Variants in BCL2L13 observed in about 807,000 individuals in gnomAD.
The protein encoded by BCL2L13 is BCL2 like 13, also known as bcl-2-like protein 13.
Under a neutral mutation model 25.8 loss-of-function variants are expected in BCL2L13, and 13 were observed. The ratio of observed to expected loss-of-function variants is 0.50; its 90% CI spans 0.33 to 0.80. The LOEUF is 0.80. Ranked by LOEUF, BCL2L13 falls within the 30% of genes least tolerant of loss-of-function variation. The pLI is 0.02. For synonymous variants in BCL2L13, 244 were observed against 230.3 expected (o/e 1.06, Z -0.54); for missense variants, 504 against 574.9 (o/e 0.88, Z 1.26).
intron 2 of BCL2L13, among the ~76,000 whole-genome samples, chr22:17,682,692 G>A (rs187504602): frequency 6.6e-5 from 10 of 152,234 alleles, no homozygotes; most frequent in Admixed American, 4.6e-4. Context: ...CTGGAAAGGT[G>A]GAGACTTACT....
chr22:17,685,225 G>T (rs1163537139), intron 3 of BCL2L13, among the ~76,000 whole-genome samples: 1 of 151,694 alleles, frequency 6.6e-6, no homozygotes, highest in Non-Finnish European at 1.5e-5. Flanking sequence ...ATGTATTTTT[G>T]TTGTTGTTGC....
At chr22:17,702,040 C>T (rs975424512) in intron 5 of BCL2L13, among the ~76,000 whole-genome samples, 5 of 151,846 alleles carry the variant, frequency 3.3e-5, no homozygotes, top group Admixed American at 2.0e-4. Context: ...TTTTCAATAA[C>T]TATTTCTACC....
intron 2 of BCL2L13, among the ~76,000 whole-genome samples, chr22:17,671,863 G>A (rs913760185): frequency 7.9e-5 from 12 of 152,082 alleles, no homozygotes; most frequent in Non-Finnish European, 1.5e-4. Flanking sequence ...AAAGGAGCGC[G>A]CCATCACGCC....
At position 17,729,201 on chromosome 22, in the gene BCL2L13, A is replaced by G. The variant is rs1406543854; in HGVS notation, c.*1667A>G. On this transcript the variant is annotated 3_prime_UTR_variant, in exon 7 of 7. Transcript: ENST00000317582. The stretch of plus-strand genomic sequence containing the variant: ...ATGTTTTCAAATAAAATCTCCCTAA[A>G]GCAATATTTAAAAATTGGTCAAAAC... The G allele has an allele frequency of 6.6e-6, 1 of 152,196 alleles. No individual in the cohort carries two copies. 9.4% of individuals were successfully genotyped at this position (152,196 alleles called of 1,614,324 possible).
At chr22:17,704,142 A>G (rs937326825) in intron 6 of BCL2L13, among the ~76,000 whole-genome samples, 1 of 152,088 alleles carries the variant, frequency 6.6e-6, no homozygotes, top group East Asian at 1.9e-4. Context: ...GCTTGAGTGC[A>G]GTGCGCAATT....
intron 6 of BCL2L13, chr22:17,706,530 T>C (rs5992096): frequency 0.11 from 31,479 of 283,230 alleles, 1,976 homozygotes; most frequent in African/African-American, 0.17. Flanking sequence ...AAAATAATGA[T>C]GTGAAAGTGT....
At chr22:17,653,403 T>G (rs2058750113) in intron 1 of BCL2L13, among the ~76,000 whole-genome samples, 1 of 152,128 alleles carries the variant, frequency 6.6e-6, no homozygotes, top group Non-Finnish European at 1.5e-5. Context: ...GTTCATGCCT[T>G]CTTACATCTC....
chr22:17,663,409 C>A (rs565409546), intron 2 of BCL2L13, among the ~76,000 whole-genome samples: 2 of 152,090 alleles, frequency 1.3e-5, no homozygotes, highest in African/African-American at 4.8e-5. Context: ...AGGTGGCTAT[C>A]TAAACAAAAT....
At chr22:17,684,760 G>A (rs1227902309) in intron 3 of BCL2L13, 3 of 347,302 alleles carry the variant, frequency 8.6e-6, no homozygotes, top group Non-Finnish European at 1.7e-5. Flanking sequence ...TTTTGACAGA[G>A]TCTGGCTCTT....
chr22:17,672,093 C>T (rs1339939065), intron 2 of BCL2L13, among the ~76,000 whole-genome samples: 1 of 152,138 alleles, frequency 6.6e-6, no homozygotes, highest in East Asian at 1.9e-4. Flanking sequence ...ACAATTGAAC[C>T]ATTCTGTCTA....
At chr22:17,711,281 TC>T (rs2060750650) in intron 6 of BCL2L13, among the ~76,000 whole-genome samples, 1 of 150,994 alleles carries the variant, frequency 6.6e-6, no homozygotes, top group African/African-American at 2.4e-5. Flanking sequence ...TGTTGACTTT[TC>T]CCTTATTTCT....
In BCL2L13 at chr22:17,727,699, G is replaced by A. The variant is rs1307377207; in HGVS notation, c.*165G>A. 7.8e-6 allele frequency: 7 copies of A among 893,542 alleles called. No individual in the cohort carries two copies. Among genetic ancestry groups the A allele is most frequent in the Non-Finnish European group, 1.2e-5 (7 of 601,048 alleles). The allele number at this position is 893,542 out of a possible 1,614,324, so 55.4% of individuals were successfully genotyped here. ...GTTAGGCATGTTAGGGCTTGAGGTG[G>A]GGCATTCACATTCATCTGACTGTAA... is the stretch of plus-strand genomic sequence containing the variant. On this transcript the variant is annotated 3_prime_UTR_variant, in exon 7 of 7. Transcript: ENST00000317582.
upstream of BCL2L13, chr22:17,638,686 C>T: frequency 1.6e-6 from 2 of 1,231,690 alleles, no homozygotes; most frequent in South Asian, 4.1e-5. Flanking sequence ...CTCCGGATAC[C>T]GTTCCGGATG....
chr22:17,709,063 G>A (rs1415423866), intron 6 of BCL2L13, among the ~76,000 whole-genome samples: 1 of 151,640 alleles, frequency 6.6e-6, no homozygotes, highest in Non-Finnish European at 1.5e-5. Context: ...GTGAAACCCC[G>A]TCTCTACTAA....
chr22:17,703,172 T>TACACACACACACACACACAC (rs370873828), intron 6 of BCL2L13: 2 of 146,974 alleles, frequency 1.4e-5, no homozygotes, highest in South Asian at 2.1e-4. Flanking sequence ...AATATATATA[T>TACACACACACACACACACAC]ACACACACAC....
intron 6 of BCL2L13, among the ~76,000 whole-genome samples, chr22:17,711,456 C>G (rs532049938): frequency 3.8e-4 from 57 of 151,992 alleles, no homozygotes; most frequent in African/African-American, 1.4e-3. Context: ...CACCACCACA[C>G]TCAACTAATT....
intron 6 of BCL2L13, among the ~76,000 whole-genome samples, chr22:17,706,273 G>C (rs1449899885): frequency 6.6e-6 from 1 of 151,268 alleles, no homozygotes; most frequent in African/African-American, 2.4e-5. Context: ...GCCTCCCAAA[G>C]TGCTGGGATT....
intron 4 of BCL2L13, among the ~76,000 whole-genome samples, chr22:17,692,655 C>T (rs1245237338): frequency 6.6e-6 from 1 of 152,222 alleles, no homozygotes; most frequent in East Asian, 1.9e-4. Context: ...TCTGGTATCT[C>T]ATTTCCTTTC....
chr22:17,718,017 G>A (rs1220714552), intron 6 of BCL2L13, among the ~76,000 whole-genome samples: 4 of 152,126 alleles, frequency 2.6e-5, no homozygotes, highest in Non-Finnish European at 5.9e-5. Context: ...AGCCCTGGGG[G>A]CAGAGGTTGC....
Sources: allele counts gnomAD v4.1 joint callset (sites outside exome capture counted in the v4.1 genomes callset), GRCh38; gene constraint gnomAD v4.1.1; transcripts MANE v1.5; gene names NCBI Gene and HGNC (gene_info 2026-07-23, HGNC 2026-07-21).